The following POP1 variants were observed in gnomAD, a reference collection of about 807,000 sequenced individuals.
POP1 encodes the protein ribonucleases P/MRP protein subunit POP1.
In POP1, 75 loss-of-function variants were observed where a neutral mutation model predicts 102.2. The ratio of observed to expected loss-of-function variants is 0.73; its 90% CI spans 0.61 to 0.89. The LOEUF (loss-of-function observed/expected upper bound fraction) is 0.89, where lower values mean the gene tolerates loss of function less well. POP1 is among the 40% of genes least tolerant of loss of function. The probability of loss-of-function intolerance (pLI) is 0.00; values close to 1 mark genes in which losing one functional copy is unlikely to be tolerated. For synonymous variants in POP1, 436 were observed against 464.1 expected, an observed-to-expected ratio of 0.94 and a Z score of 0.78; for missense variants, 1,116 against 1,267.4, an observed-to-expected ratio of 0.88 and a Z score of 1.81.
chr8:98,144,477 A>G (rs1816792126), intron 11 of POP1, among the ~76,000 whole-genome samples: 1 of 151,998 alleles, frequency 6.6e-6, no homozygotes, highest in Admixed American at 6.6e-5. Flanking sequence ...GTCTCACTAA[A>G]TTGCCTAGGC....
intron 14 of POP1, among the ~76,000 whole-genome samples, chr8:98,153,325 A>G (rs867722653): frequency 3.3e-5 from 5 of 152,054 alleles, no homozygotes; most frequent in Admixed American, 2.6e-4. Flanking sequence ...GGGGGTACCC[A>G]GGAGAGGGGA....
chr8:98,132,477 A>G (rs531167566), intron 5 of POP1, among the ~76,000 whole-genome samples: 11 of 152,334 alleles, frequency 7.2e-5, no homozygotes, highest in Admixed American at 5.9e-4. Context: ...ATTGATTGAC[A>G]TGCGTTGTCA....
chr8:98,157,858 G>A lies in POP1; in HGVS notation c.2662G>A (p.Glu888Lys). The change falls in exon 16 of 16, where the codon GAG becomes AAG. Residue 888 changes from glutamate to lysine, a missense_variant. Physicochemically the swap from Glu to Lys is moderately conservative, Grantham distance 56. Coordinates refer to ENST00000401707, the MANE Select transcript of POP1 (RefSeq NM_001145860.2). Reference sequence around the variant, plus strand: ...CAAGGAGGACTTCCTCCAGCTCCATGAGGACTGGCATTACTGTGGGCCCCA... The same window carrying A: ...CAAGGAGGACTTCCTCCAGCTCCATAAGGACTGGCATTACTGTGGGCCCCA... Reference protein sequence around the residue: ...PAKEDFLQLHEDWHYCGPQES... With the variant: ...PAKEDFLQLHKDWHYCGPQES... 5.6e-6 allele frequency: 9 copies of A among 1,614,186 alleles called. No individual in the cohort carries two copies. The highest frequency in any genetic ancestry group is 7.6e-6 in the Non-Finnish European group (9 of 1,179,980).
At chr8:98,127,998 G>T (rs1416631356) in intron 3 of POP1, among the ~76,000 whole-genome samples, 2 of 152,052 alleles carry the variant, frequency 1.3e-5, no homozygotes, top group African/African-American at 4.8e-5. Context: ...ACAAGTCTTT[G>T]TGAACTGTTC....
chr8:98,154,248 C>A (rs1809590918), intron 14 of POP1, among the ~76,000 whole-genome samples: 1 of 152,222 alleles, frequency 6.6e-6, no homozygotes, highest in South Asian at 2.1e-4. Context: ...TGCTCTGCCA[C>A]TCGGGCTGGC....
Position 98,140,902 on chromosome 8 carries a change from A to G in POP1, c.1594+14A>G, listed in dbSNP as rs200471671. The G allele has an allele frequency of 6.2e-7, 1 of 1,613,388 alleles. No individual in the cohort carries two copies. Among genetic ancestry groups the G allele is most frequent in the African/African-American group, 1.3e-5 (1 of 75,016 alleles). The stretch of plus-strand genomic sequence containing the variant: ...AAAAATGCCAAGGTAAAGTTCCAAA[A>G]ACACCCCAGGTTTTCCTTACTATTT... On this transcript the variant is annotated intron_variant, in intron 11 of 15. Coordinates refer to ENST00000401707, the MANE Select transcript of POP1 (RefSeq NM_001145860.2).
At position 98,140,065 on chromosome 8, in the gene POP1, T is replaced by A; in HGVS notation, c.1363-13T>A. 1 of 1,600,782 alleles carries A rather than the reference T, an allele frequency of 6.2e-7. No homozygotes were observed. ...CATTGTTCGTCCAGTGAATAGTAGT[T>A]GTTATTTTTCAGGTGGGAGAGGACA... is the stretch of plus-strand genomic sequence containing the variant. On this transcript the variant is annotated splice_polypyrimidine_tract_variant and intron_variant, in intron 9 of 15. Transcript: ENST00000401707.
At position 98,150,584 on chromosome 8, in the gene POP1, G is replaced by A; in HGVS notation, c.2002G>A (p.Ala668Thr). ...NVPGDFPDCP[A>T]GMLFAEEQAK... ...CCCAGGCGATTTTCCAGACTGCCCT[G>A]CCGGGATGCTGTTTGCGGAAGAGCA... The change falls in exon 14 of 16, where the codon GCC becomes ACC. Residue 668 changes from alanine (A) to threonine (T), a missense_variant. Coordinates refer to ENST00000401707, the MANE Select transcript of POP1 (RefSeq NM_001145860.2). 1 of 1,614,186 alleles carries A rather than the reference G, an allele frequency of 6.2e-7. No homozygotes were observed. Among genetic ancestry groups the A allele is most frequent in the Non-Finnish European group, 8.5e-7 (1 of 1,180,034 alleles).
At chr8:98,129,793 ATTC>A (rs956189188) in intron 4 of POP1, among the ~76,000 whole-genome samples, 182 bp from the exon 5 acceptor site, 2 of 152,180 alleles carry the variant, frequency 1.3e-5, no homozygotes, top group Non-Finnish European at 1.5e-5. Context: ...GCTCTAAAAC[ATTC>A]ACTCTTTCCA....
At chr8:98,149,117 G>A in intron 13 of POP1, 111 bp downstream of exon 13, 1 of 1,035,722 alleles carries the variant, frequency 9.7e-7, no homozygotes, top group Non-Finnish European at 1.5e-6. Flanking sequence ...GAATTGAGTG[G>A]TGTATTTCTG....
At position 98,130,028 on chromosome 8, in the gene POP1, T is replaced by C. The variant is rs1287344414; in HGVS notation, c.537T>C (p.His179=). The change falls in exon 5 of 16, where the codon CAT becomes CAC. Residue 179 remains histidine (H), a synonymous_variant. Coordinates refer to ENST00000401707, the MANE Select transcript of POP1 (RefSeq NM_001145860.2). ...AAGAACATTCAAAAAATAAATGCCATAAAGCTCGAAGATGTCACATGAACC... is the reference window on the plus strand; with the variant it reads ...AAGAACATTCAAAAAATAAATGCCACAAAGCTCGAAGATGTCACATGAACC... ...QKKEHSKNKC[H]KARRCHMNRT... The C allele has an allele frequency of 6.2e-7, 1 of 1,613,986 alleles. No individual in the cohort carries two copies. Among genetic ancestry groups the C allele is most frequent in the African/African-American group, 1.3e-5 (1 of 75,042 alleles).
chr8:98,124,138 G>C (rs1292901925), intron 2 of POP1, among the ~76,000 whole-genome samples: 2 of 152,188 alleles, frequency 1.3e-5, no homozygotes, highest in African/African-American at 4.8e-5. Context: ...GGAAGCTCCA[G>C]CTCTCCTGGG....
intron 11 of POP1, among the ~76,000 whole-genome samples, chr8:98,143,761 T>G (rs1047522250): frequency 2.0e-5 from 3 of 152,200 alleles, no homozygotes; most frequent in African/African-American, 7.2e-5. Context: ...TTTTACTACC[T>G]CCATAGTTTT....
At chr8:98,144,049 G>A (rs1047573121) in intron 11 of POP1, among the ~76,000 whole-genome samples, 4 of 151,762 alleles carry the variant, frequency 2.6e-5, no homozygotes, top group Admixed American at 2.0e-4. Context: ...CCAGCTACTT[G>A]GGAGGCCAAG....
chr8:98,157,769 G>C lies in POP1; in HGVS notation c.2573G>C (p.Trp858Ser), dbSNP rs1285344962. The change falls in exon 16 of 16, where the codon TGG becomes TCG. Residue 858 changes from tryptophan to serine, a missense_variant. Coordinates refer to ENST00000401707, the MANE Select transcript of POP1 (RefSeq NM_001145860.2). ...ILGHFPRALV[W>S]VSLSLLSKGS... ...GGCCACTTCCCCAGGGCCCTGGTTT[G>C]GGTCAGCCTGTCCCTGCTCAGCAAG... 1.2e-6 allele frequency: 2 copies of C among 1,614,064 alleles called. No individual in the cohort carries two copies. Among genetic ancestry groups the C allele is most frequent in the Non-Finnish European group, 1.7e-6 (2 of 1,180,032 alleles).
At position 98,117,315 on chromosome 8, in the gene POP1, C is replaced by A; in HGVS notation, c.-78C>A. 6.8e-6 allele frequency: 4 copies of A among 585,212 alleles called. No homozygotes were observed. Among genetic ancestry groups the A allele is most frequent in the Admixed American group, 3.0e-5 (1 of 32,902 alleles). 36.3% of individuals were successfully genotyped at this position (585,212 alleles called of 1,614,324 possible). On this transcript the variant is annotated 5_prime_UTR_variant, in exon 1 of 16. Transcript: ENST00000401707. ...CGCATGCGCTCTCCAGCGCGCTCTC[C>A]AGGAGCTTTGGCTCGGTGGGTACTG...
At chr8:98,156,485 G>T (rs1809651407) in intron 15 of POP1, 73 bp downstream of exon 15, 1 of 1,574,540 alleles carries the variant, frequency 6.4e-7, no homozygotes, top group South Asian at 1.1e-5. Flanking sequence ...GGATGTAAGC[G>T]TTATCACTGT....
intron 12 of POP1, 46 bp downstream of exon 12, chr8:98,146,729 T>C (rs547020155): frequency 7.6e-7 from 1 of 1,319,042 alleles, no homozygotes. Flanking sequence ...GAATGACAGG[T>C]TAAATATATC....
intron 1 of POP1, among the ~76,000 whole-genome samples, chr8:98,119,267 A>T (rs193143751): frequency 6.6e-6 from 1 of 152,246 alleles, no homozygotes; most frequent in Non-Finnish European, 1.5e-5. Context: ...AACTTGTGTA[A>T]AATATTTCTT....
Sources: gnomAD v4.1 joint callset for allele counts (sites outside exome capture counted in the v4.1 genomes callset) on GRCh38, gnomAD v4.1.1 for gene constraint, MANE v1.5 for transcripts, NCBI Gene and HGNC (gene_info 2026-07-23, HGNC 2026-07-21) for gene names.